MAN1C1: variants seen among roughly 807,000 people sequenced by gnomAD.
MAN1C1 encodes the protein mannosyl-oligosaccharide 1,2-alpha-mannosidase IC.
MAN1C1 carries 49 observed loss-of-function variants against 71.5 expected under a neutral mutation model. That is an observed-to-expected ratio of 0.69 (90% CI 0.54 to 0.87). The LOEUF is 0.87. MAN1C1 is among the 40% of genes least tolerant of loss of function. The pLI, the probability that MAN1C1 is intolerant of heterozygous loss-of-function variation, is 0.00. For synonymous variants in MAN1C1, 352 were observed against 343.7 expected (o/e 1.02, Z -0.27); for missense variants, 743 against 835.0 (o/e 0.89, Z 1.36).
chr1:25,677,014 A>G (rs2046078527), intron 1 of MAN1C1, among the ~76,000 whole-genome samples: 2 of 152,146 alleles, frequency 1.3e-5, no homozygotes, highest in African/African-American at 2.4e-5. Context: ...CTGAGTGGGC[A>G]TCTGTGCCTG....
rs1002107711 is a variant in MAN1C1, at chr1:25,725,931, G to A, written c.638-20737G>A. Among the ~76,000 whole-genome samples the A allele has an allele frequency of 1.3e-5, 2 of 152,226 alleles. No homozygotes were observed. Among genetic ancestry groups the A allele is most frequent in the African/African-American group, 4.8e-5 (2 of 41,466 alleles). On this transcript the variant is annotated intron_variant, in intron 2 of 11. Coordinates refer to ENST00000374332, the MANE Select transcript of MAN1C1 (RefSeq NM_020379.4). The surrounding 1 kb of genome is among the most constrained non-coding windows in gnomAD (Gnocchi z 4.8). ...GGTACGGCATGCTGAGCTGAGTGTG[G>A]CTGTGGCATGAAATGAAAGGTGAGG...
chr1:25,714,042 TAAA>T (rs1051322123), intron 2 of MAN1C1, among the ~76,000 whole-genome samples: 2 of 152,234 alleles, frequency 1.3e-5, no homozygotes, highest in African/African-American at 2.4e-5. Flanking sequence ...GATCACACTT[TAAA>T]ATGCAGCGTA....
intron 8 of MAN1C1, 131 bp from the exon 9 acceptor site, chr1:25,777,965 GGCCTCCTTT>G: frequency 1.6e-6 from 1 of 632,356 alleles, no homozygotes; most frequent in Non-Finnish European, 2.7e-6. Flanking sequence ...GAGATCAATG[GGCCTCCTTT>G]GCCTGGGATG....
chr1:25,654,361 C>T (rs1274148758), intron 1 of MAN1C1: 1 of 152,220 alleles, frequency 6.6e-6, no homozygotes, highest in Non-Finnish European at 1.5e-5. Context: ...TGACCCCTTC[C>T]AAAGGGTAAG....
intron 1 of MAN1C1, among the ~76,000 whole-genome samples, chr1:25,658,222 A>G (rs1572127309): frequency 1.3e-5 from 2 of 152,342 alleles, no homozygotes; most frequent in Admixed American, 6.5e-5. Flanking sequence ...GAGCAAGCTG[A>G]GGCTCAGAGG....
In MAN1C1 at chr1:25,769,961, G is replaced by A. The variant is rs1557801672; in HGVS notation, c.1142-1696G>A. Among the ~76,000 whole-genome samples the A allele has an allele frequency of 1.3e-5, 2 of 152,152 alleles. No homozygotes were observed. Among genetic ancestry groups the A allele is most frequent in the African/African-American group, 2.4e-5 (1 of 41,432 alleles). ...CTTGTGAGAATGCCTGAGCCCCCGC[G>A]TGGGGAATGAGGTGGGGAGGGTGCG... On this transcript the variant is annotated intron_variant, in intron 7 of 11. Transcript: ENST00000374332. This position sits in a 1 kb window ranked among gnomAD's most constrained non-coding sequence, Gnocchi z 4.8.
chr1:25,679,950 A>AAAATATAT (rs1285307256), intron 1 of MAN1C1, among the ~76,000 whole-genome samples: 29 of 117,226 alleles, frequency 2.5e-4, no homozygotes, highest in African/African-American at 9.1e-4. Context: ...AAAAAAAAAA[A>AAAATATAT]ATATATATAT....
At chr1:25,685,152 C>T (rs1300084502) in intron 1 of MAN1C1, among the ~76,000 whole-genome samples, 2 of 152,182 alleles carry the variant, frequency 1.3e-5, no homozygotes, top group Non-Finnish European at 1.5e-5. Flanking sequence ...GGAAACTGGG[C>T]ATTCCCACTA....
chr1:25,717,999 T>TACACACACACACACAC (rs71577794), intron 2 of MAN1C1, among the ~76,000 whole-genome samples: 58 of 148,598 alleles, frequency 3.9e-4, no homozygotes, highest in African/African-American at 1.3e-3. Flanking sequence ...TAGCTTTATT[T>TACACACACACACACAC]ACACACACAC....
rs550833830 is a variant in MAN1C1 at position 25,742,480 on chromosome 1, T to A, written c.638-4188T>A. On this transcript the variant is annotated intron_variant, in intron 2 of 11. Transcript: ENST00000374332. ...GCAAGCTGCAATCTCACGCTCACGT[T>A]GCCCTGCAGGGTGAGAGAGAGGGCC... Among the ~76,000 whole-genome samples, 78 of 152,292 alleles carry A rather than the reference T, an allele frequency of 5.1e-4. 1 individual carries two copies. The highest frequency in any genetic ancestry group is 1.6e-3 in the African/African-American group (65 of 41,560).
chr1:25,627,378 G>A (rs868461649), intron 1 of MAN1C1, among the ~76,000 whole-genome samples: 3 of 152,138 alleles, frequency 2.0e-5, no homozygotes, highest in South Asian at 2.1e-4. Context: ...AGATTCAAGC[G>A]ATCTTCCTGC....
intron 1 of MAN1C1, among the ~76,000 whole-genome samples, chr1:25,633,535 C>CTTTTTTTTTT (rs766455245): frequency 9.8e-6 from 1 of 102,226 alleles, no homozygotes; most frequent in African/African-American, 4.4e-5. Context: ...CCTTGTTTGT[C>CTTTTTTTTTT]TTTTTTTTTT....
rs534513023 is a variant in MAN1C1, at chr1:25,780,875, C to A, written c.1478-65C>A. Reference sequence around the variant, plus strand: ...CGGGTTCAAGGCAACTGACATCTCTCCTGGATCCCGAAAAGCAGGAGGTGG... The same window carrying A: ...CGGGTTCAAGGCAACTGACATCTCTACTGGATCCCGAAAAGCAGGAGGTGG... On this transcript the variant is annotated intron_variant, in intron 9 of 11. Transcript: ENST00000374332. The A allele has an allele frequency of 5.1e-6, 8 of 1,558,606 alleles. No homozygotes were observed. The African/African-American group carries it at 8.1e-5, about 16-fold the overall frequency.
chr1:25,624,261 C>A (rs1258387489), intron 1 of MAN1C1, among the ~76,000 whole-genome samples: 1 of 152,190 alleles, frequency 6.6e-6, no homozygotes, highest in Non-Finnish European at 1.5e-5. Context: ...GCTCAGACAG[C>A]AGGGTTTTGG....
chr1:25,782,513 A>G lies in MAN1C1; in HGVS notation c.1651-72A>G. The G allele has an allele frequency of 7.0e-6, 7 of 995,986 alleles. No homozygotes were observed. In the South Asian group the frequency reaches 8.0e-5, roughly 11 times the overall value. 61.7% of individuals were successfully genotyped at this position (995,986 alleles called of 1,614,324 possible). ...TTCTTCTAGCTCCAGCCTGCCAGGC[A>G]TGCACAAGTCTTGAGGGGCCTTTCC... On this transcript the variant is annotated intron_variant, in intron 10 of 11. Transcript: ENST00000374332. The surrounding 1 kb of genome is among the most constrained non-coding windows in gnomAD (Gnocchi z 4.4).
intron 6 of MAN1C1, among the ~76,000 whole-genome samples, chr1:25,762,479 G>A (rs908448518): frequency 2.0e-5 from 3 of 148,230 alleles, no homozygotes; most frequent in Non-Finnish European, 4.4e-5. Context: ...CCAGGCTGGA[G>A]TGCAAAGGCG....
chr1:25,758,785 A>G, intron 6 of MAN1C1, 76 bp downstream of exon 6: 3 of 1,286,094 alleles, frequency 2.3e-6, no homozygotes, highest in Non-Finnish European at 3.4e-6. Flanking sequence ...TTCAGAGGCG[A>G]GTGGGTCCTC....
At chr1:25,773,661 C>G (rs1243883815) in intron 8 of MAN1C1, among the ~76,000 whole-genome samples, 1 of 152,222 alleles carries the variant, frequency 6.6e-6, no homozygotes, top group Non-Finnish European at 1.5e-5. Flanking sequence ...AGCAGCCAGG[C>G]TCCCTGCCCT....
chr1:25,657,117 G>A (rs992308606), intron 1 of MAN1C1, among the ~76,000 whole-genome samples: 8 of 152,152 alleles, frequency 5.3e-5, no homozygotes, highest in Non-Finnish European at 7.4e-5. Context: ...GAGCCACCGC[G>A]CCCAGCCCCA....
Sources: gnomAD v4.1 joint callset for allele counts (sites outside exome capture counted in the v4.1 genomes callset) on GRCh38, gnomAD v4.1.1 for gene constraint, Gnocchi (gnomAD v3.1) non-coding constraint, MANE v1.5 for transcripts, NCBI Gene and HGNC (gene_info 2026-07-23, HGNC 2026-07-21) for gene names.